Variants in BMPR1B observed in about 807,000 individuals in gnomAD.
The protein encoded by BMPR1B is bone morphogenetic protein receptor type-1B.
In BMPR1B, 12 loss-of-function variants were observed where a neutral mutation model predicts 59.1. The observed-to-expected ratio is 0.20, with a 90% CI of 0.13 to 0.33. BMPR1B has a LOEUF of 0.33. Among genes scored for constraint, BMPR1B ranks in the 10% least tolerant of loss-of-function variants. The probability of loss-of-function intolerance (pLI) is 1.00; values close to 1 mark genes in which losing one functional copy is unlikely to be tolerated. For missense variants in BMPR1B, 550 were observed against 610.9 expected, an observed-to-expected ratio of 0.90 and a Z score of 1.05; for synonymous variants, 237 against 207.3, an observed-to-expected ratio of 1.14 and a Z score of -1.23.
intron 2 of BMPR1B, among the ~76,000 whole-genome samples, chr4:94,933,787 TAC>T (rs1729185006): frequency 6.6e-6 from 1 of 152,158 alleles, no homozygotes; most frequent in Admixed American, 6.6e-5. Flanking sequence ...ACCCAATTAT[TAC>T]GTGTAAAACA....
chr4:94,802,277 T>C (rs768160632), intron 1 of BMPR1B, among the ~76,000 whole-genome samples: 2 of 152,200 alleles, frequency 1.3e-5, no homozygotes, highest in Non-Finnish European at 2.9e-5. Context: ...ACAGCAGCAC[T>C]GTTCCCATTG....
chr4:94,972,139 A>G (rs896143109), intron 2 of BMPR1B, among the ~76,000 whole-genome samples: 26 of 151,704 alleles, frequency 1.7e-4, no homozygotes, highest in African/African-American at 6.0e-4. Context: ...TCTACAATAA[A>G]TGATGCGGTA....
chr4:95,090,896 A>G (rs1381847795), intron 3 of BMPR1B, among the ~76,000 whole-genome samples: 1 of 152,146 alleles, frequency 6.6e-6, no homozygotes. Context: ...AAAGATAGAA[A>G]TAATGGTATT....
intron 2 of BMPR1B, among the ~76,000 whole-genome samples, chr4:94,905,284 G>A (rs1284750423): frequency 6.6e-6 from 1 of 151,992 alleles, no homozygotes; most frequent in Non-Finnish European, 1.5e-5. Flanking sequence ...GACAGGCATA[G>A]CAAATATCCC....
At chr4:95,117,397 A>G (rs1457182484) in intron 6 of BMPR1B, among the ~76,000 whole-genome samples, 4 of 152,164 alleles carry the variant, frequency 2.6e-5, no homozygotes, top group African/African-American at 9.7e-5. Context: ...GCAGTAGTTA[A>G]GTGCAGAGGT....
chr4:95,139,980 T>A (rs928265676), intron 10 of BMPR1B, among the ~76,000 whole-genome samples: 1 of 152,110 alleles, frequency 6.6e-6, no homozygotes, highest in Admixed American at 6.5e-5. Flanking sequence ...GTACCTAAGT[T>A]GGAAATGCAG....
intron 1 of BMPR1B, among the ~76,000 whole-genome samples, chr4:94,811,077 A>G (rs1203171000): frequency 6.6e-6 from 1 of 152,222 alleles, no homozygotes; most frequent in Admixed American, 6.5e-5. Flanking sequence ...TTCAGTGACT[A>G]TATTTGGTCA....
intron 3 of BMPR1B, among the ~76,000 whole-genome samples, chr4:95,027,505 G>A (rs1365289399): frequency 6.6e-6 from 1 of 152,088 alleles, no homozygotes; most frequent in Non-Finnish European, 1.5e-5. Context: ...ATCATGTCAA[G>A]CCTATTCTGA....
chr4:95,030,231 G>T (rs573572103), intron 3 of BMPR1B, among the ~76,000 whole-genome samples: 1 of 152,092 alleles, frequency 6.6e-6, no homozygotes, highest in African/African-American at 2.4e-5. Flanking sequence ...GTTTTCTTCT[G>T]TGGTTTTTAT....
intron 2 of BMPR1B, among the ~76,000 whole-genome samples, chr4:94,953,521 G>A (rs935128114): frequency 5.9e-5 from 9 of 152,216 alleles, no homozygotes; most frequent in African/African-American, 2.2e-4. Context: ...CACTTATAAA[G>A]CTTAGTTTGG....
intron 2 of BMPR1B, among the ~76,000 whole-genome samples, chr4:94,909,433 G>A (rs1381091800): frequency 1.3e-5 from 2 of 151,940 alleles, no homozygotes; most frequent in African/African-American, 4.8e-5. Flanking sequence ...CGTGGGTAAG[G>A]TAGTTGCTCT....
chr4:95,045,048 G>T (rs950767071), intron 3 of BMPR1B, among the ~76,000 whole-genome samples: 1 of 152,100 alleles, frequency 6.6e-6, no homozygotes, highest in African/African-American at 2.4e-5. Flanking sequence ...GACCTAAAAG[G>T]CTGTGGCTTC....
intron 3 of BMPR1B, among the ~76,000 whole-genome samples, chr4:95,067,260 A>C (rs1255017645): frequency 2.0e-5 from 3 of 152,214 alleles, no homozygotes; most frequent in Non-Finnish European, 1.5e-5. Context: ...AATAATTTAG[A>C]AAATTGCTAA....
chr4:94,930,781 C>T (rs1729068316), intron 2 of BMPR1B, among the ~76,000 whole-genome samples: 1 of 152,132 alleles, frequency 6.6e-6, no homozygotes, highest in Non-Finnish European at 1.5e-5. Context: ...TCTCAAGTGA[C>T]TATCTCTTGA....
chr4:94,767,074 G>T (rs1468960101), intron 1 of BMPR1B, among the ~76,000 whole-genome samples: 3 of 152,054 alleles, frequency 2.0e-5, no homozygotes, highest in African/African-American at 7.2e-5. Context: ...CAGTCTTCTA[G>T]CCAGAAGCCA....
intron 1 of BMPR1B, among the ~76,000 whole-genome samples, chr4:94,818,757 A>G (rs1724099918): frequency 6.6e-6 from 1 of 152,182 alleles, no homozygotes; most frequent in South Asian, 2.1e-4. Flanking sequence ...ACTTGAAGAA[A>G]TGTTTTATTA....
At chr4:95,150,664 A>T (rs912139171) in intron 11 of BMPR1B, among the ~76,000 whole-genome samples, 1 of 152,300 alleles carries the variant, frequency 6.6e-6, no homozygotes. Context: ...CAGCTTAAAA[A>T]CAAAGTAGCT....
At chr4:94,856,116 A>ACAGAT (rs1277460368) in intron 1 of BMPR1B, among the ~76,000 whole-genome samples, 5 of 152,192 alleles carry the variant, frequency 3.3e-5, no homozygotes. Context: ...GGGGAAAAAA[A>ACAGAT]CAGATTGTCT....
chr4:94,818,129 G>T (rs1353110051), intron 1 of BMPR1B, among the ~76,000 whole-genome samples: 1 of 152,110 alleles, frequency 6.6e-6, no homozygotes, highest in Non-Finnish European at 1.5e-5. Context: ...GCTGTTCTTT[G>T]TATTCTGTCT....
Sources: allele counts gnomAD v4.1 joint callset (sites outside exome capture counted in the v4.1 genomes callset), GRCh38; gene constraint gnomAD v4.1.1; transcripts MANE v1.5; gene names NCBI Gene and HGNC (gene_info 2026-07-23, HGNC 2026-07-21).